UTRN: variants seen among roughly 807,000 people sequenced by gnomAD.
UTRN encodes utrophin, also known as dystrophin-related protein 1.
Under a neutral mutation model 463.9 loss-of-function variants are expected in UTRN, and 283 were observed. The observed-to-expected ratio is 0.61, with a 90% CI of 0.55 to 0.67. The LOEUF is 0.67. Among genes scored for constraint, UTRN ranks in the 30% least tolerant of loss-of-function variants. UTRN has a pLI of 0.00. For synonymous variants in UTRN, 1,442 were observed against 1,431.5 expected (o/e 1.01, Z -0.17); for missense variants, 3,922 against 4,084.3 (o/e 0.96, Z 1.08).
intron 24 of UTRN, among the ~76,000 whole-genome samples, chr6:144,474,256 ACGTGTACC>A (rs1790962768): frequency 6.6e-6 from 1 of 151,880 alleles, no homozygotes; most frequent in Non-Finnish European, 1.5e-5. Context: ...CATGTTGTGC[ACGTGTACC>A]CTAGAACTTA....
chr6:144,787,266 C>T (rs1202607799), intron 61 of UTRN, among the ~76,000 whole-genome samples: 1 of 152,050 alleles, frequency 6.6e-6, no homozygotes, highest in Non-Finnish European at 1.5e-5. Flanking sequence ...TAGGAAACTT[C>T]TAAAAAATAT....
At chr6:144,631,234 A>T (rs1383850334) in intron 51 of UTRN, among the ~76,000 whole-genome samples, 1 of 113,052 alleles carries the variant, frequency 8.8e-6, no homozygotes, top group African/African-American at 3.4e-5. Flanking sequence ...TGTGAGAGAG[A>T]GAGGTGTGTG....
chr6:144,511,163 C>T, intron 35 of UTRN, 40 bp downstream of exon 35: 1 of 1,424,488 alleles, frequency 7.0e-7, no homozygotes, highest in Admixed American at 2.5e-5. Context: ...ATCTTCTCCT[C>T]TCTTCTAGTT....
At chr6:144,384,334 G>A (rs566690667) in intron 2 of UTRN, among the ~76,000 whole-genome samples, 2 of 152,216 alleles carry the variant, frequency 1.3e-5, no homozygotes, top group South Asian at 2.1e-4. Flanking sequence ...ATCAGCAGCG[G>A]CATTCGATTC....
At chr6:144,314,934 A>G in intron 2 of UTRN, among the ~76,000 whole-genome samples, 1 of 151,490 alleles carries the variant, frequency 6.6e-6, no homozygotes, top group East Asian at 1.9e-4. Flanking sequence ...ATGTATATAT[A>G]TACCTCTCTC....
intron 49 of UTRN, among the ~76,000 whole-genome samples, chr6:144,556,361 T>TC (rs1306453861): frequency 1.3e-5 from 2 of 151,218 alleles, no homozygotes; most frequent in Non-Finnish European, 3.0e-5. Flanking sequence ...ACCAAATGAC[T>TC]CCCAAGTAAT....
intron 74 of UTRN, among the ~76,000 whole-genome samples, chr6:144,850,536 C>T (rs1782401725): frequency 6.6e-6 from 1 of 152,134 alleles, no homozygotes; most frequent in Non-Finnish European, 1.5e-5. Context: ...CTTTAACTGG[C>T]ACCACTAAAC....
chr6:144,698,425 CTTT>C (rs925855443), intron 52 of UTRN, among the ~76,000 whole-genome samples: 16 of 152,222 alleles, frequency 1.1e-4, no homozygotes, highest in African/African-American at 3.9e-4. Context: ...TGTATTTAAA[CTTT>C]TTTTATTATT....
chr6:144,561,927 A>T (rs1349692672), intron 50 of UTRN, among the ~76,000 whole-genome samples: 1 of 152,174 alleles, frequency 6.6e-6, no homozygotes, highest in Admixed American at 6.6e-5. Flanking sequence ...AGGTTGAGTC[A>T]TTATCAGTTG....
chr6:144,653,971 G>T (rs1047189758), intron 51 of UTRN, among the ~76,000 whole-genome samples: 2 of 152,180 alleles, frequency 1.3e-5, no homozygotes, highest in African/African-American at 4.8e-5. Context: ...TGTGTTCACC[G>T]TCTATGTAGA....
chr6:144,414,171 C>T (rs111276564), intron 3 of UTRN, among the ~76,000 whole-genome samples: 5,338 of 151,936 alleles, frequency 0.035, 310 homozygotes, highest in African/African-American at 0.12. Flanking sequence ...TCAGGCAGTT[C>T]CTTCAGGAGG....
At chr6:144,620,500 T>C (rs370464872) in intron 51 of UTRN, among the ~76,000 whole-genome samples, 1 of 152,144 alleles carries the variant, frequency 6.6e-6, no homozygotes, top group South Asian at 2.1e-4. Flanking sequence ...AAATGTATTA[T>C]TTGGGAGATG....
chr6:144,566,344 A>G (rs1800399059), intron 50 of UTRN, among the ~76,000 whole-genome samples: 1 of 152,144 alleles, frequency 6.6e-6, no homozygotes, highest in Non-Finnish European at 1.5e-5. Flanking sequence ...CTGGGCAGTA[A>G]TGAGTGCCTA....
At chr6:144,359,784 C>T (rs1353361409) in intron 2 of UTRN, among the ~76,000 whole-genome samples, 2 of 150,500 alleles carry the variant, frequency 1.3e-5, no homozygotes, top group East Asian at 3.9e-4. Context: ...ATTCATCCCT[C>T]AGTAGCTAAG....
chr6:144,843,478 G>A (rs1781767163), intron 73 of UTRN, among the ~76,000 whole-genome samples: 1 of 152,216 alleles, frequency 6.6e-6, no homozygotes, highest in Admixed American at 6.5e-5. Context: ...ATAATTTAGA[G>A]CAAAAATGAA....
chr6:144,606,378 T>C (rs2128639539), intron 51 of UTRN, among the ~76,000 whole-genome samples: 2 of 152,362 alleles, frequency 1.3e-5, no homozygotes, highest in Middle Eastern at 6.8e-3. Context: ...TAACAACATC[T>C]GTTGCTGACA....
At chr6:144,588,089 T>G (rs1051626991) in intron 51 of UTRN, among the ~76,000 whole-genome samples, 5 of 152,130 alleles carry the variant, frequency 3.3e-5, no homozygotes, top group Non-Finnish European at 7.4e-5. Context: ...CTTTCTCTAC[T>G]CTGCGTTTGT....
chr6:144,311,553 C>G (rs954716075), intron 2 of UTRN: 3 of 152,224 alleles, frequency 2.0e-5, no homozygotes, highest in Non-Finnish European at 4.4e-5. Flanking sequence ...ATATGTCACT[C>G]AAGCTGTCTG....
chr6:144,332,333 G>C (rs528794940), intron 2 of UTRN, among the ~76,000 whole-genome samples: 6 of 152,218 alleles, frequency 3.9e-5, no homozygotes, highest in Non-Finnish European at 8.8e-5. Context: ...TGCCTGTTCT[G>C]TAGGGATGAT....
Sources: gnomAD v4.1 joint callset for allele counts (sites outside exome capture counted in the v4.1 genomes callset) on GRCh38, gnomAD v4.1.1 for gene constraint, MANE v1.5 for transcripts, NCBI Gene and HGNC (gene_info 2026-07-23, HGNC 2026-07-21) for gene names.